DNAH5: variants seen among roughly 807,000 people sequenced by gnomAD.
DNAH5 encodes the protein axonemal beta dynein heavy chain 5.
In DNAH5, 372 loss-of-function variants were observed where a neutral mutation model predicts 518.2. That is an observed-to-expected ratio of 0.72 (90% CI 0.66 to 0.78). The LOEUF (loss-of-function observed/expected upper bound fraction) is 0.78, where lower values mean the gene tolerates loss of function less well. Among genes scored for constraint, DNAH5 ranks in the 30% least tolerant of loss-of-function variants. DNAH5 has a pLI of 0.00. For missense variants in DNAH5, 5,523 were observed against 5,687.0 expected, an observed-to-expected ratio of 0.97 and a Z score of 0.93; for synonymous variants, 2,039 against 2,025.9, an observed-to-expected ratio of 1.01 and a Z score of -0.17.
At chr5:13,818,462 C>T (rs983125825) in intron 41 of DNAH5, among the ~76,000 whole-genome samples, 6 of 152,174 alleles carry the variant, frequency 3.9e-5, no homozygotes, top group East Asian at 1.9e-4. Flanking sequence ...CCAGGCATGG[C>T]GGAAGTGCCA....
intron 76 of DNAH5, 72 bp from the exon 77 acceptor site, chr5:13,701,508 G>GAAA: frequency 3.8e-6 from 4 of 1,053,324 alleles, no homozygotes; most frequent in African/African-American, 3.3e-5. Flanking sequence ...TATGTTCACT[G>GAAA]AAAAAAAAAA....
At chr5:13,747,918 A>G (rs1247642203) in intron 65 of DNAH5, among the ~76,000 whole-genome samples, 1 of 152,068 alleles carries the variant, frequency 6.6e-6, no homozygotes, top group Non-Finnish European at 1.5e-5. Context: ...TTTTGTTGCC[A>G]TTGCTTTTGG....
intron 29 of DNAH5, among the ~76,000 whole-genome samples, chr5:13,861,593 A>G (rs1768421221): frequency 6.6e-6 from 1 of 152,216 alleles, no homozygotes; most frequent in Admixed American, 6.5e-5. Context: ...GGAAATGTAA[A>G]TTCATGACTG....
At chr5:13,934,211 G>A (rs1778699316) in intron 1 of DNAH5, among the ~76,000 whole-genome samples, 1 of 152,176 alleles carries the variant, frequency 6.6e-6, no homozygotes, top group African/African-American at 2.4e-5. Flanking sequence ...CTTCTGGTCA[G>A]CGGTACCATC....
chr5:13,871,379 AAATAGT>A (rs1190057600), intron 23 of DNAH5, among the ~76,000 whole-genome samples, 179 bp downstream of exon 23: 5 of 152,156 alleles, frequency 3.3e-5, no homozygotes, highest in Non-Finnish European at 7.4e-5. Context: ...AAAGTGTGCA[AAATAGT>A]CCAGAATCAA....
In DNAH5 at chr5:13,780,715, A is replaced by G. The variant is rs577179147; in HGVS notation, c.8951+114T>C. 97 of 1,194,182 alleles carry G rather than the reference A, an allele frequency of 8.1e-5. No individual in the cohort carries two copies. In the African/African-American group the frequency reaches 1.1e-3, roughly 13 times the overall value. 74.0% of individuals were successfully genotyped at this position (1,194,182 alleles called of 1,614,324 possible). On this transcript the variant is annotated intron_variant, in intron 53 of 78. Transcript: ENST00000265104. ...GAAGATGATAAGTCAACATTCAAGAAGGAAAATGACTGTGACTCTTTATAT... is the reference window on the plus strand; with the variant it reads ...GAAGATGATAAGTCAACATTCAAGAGGGAAAATGACTGTGACTCTTTATAT...
At chr5:13,951,358 AG>A (rs1251296977) in intron 1 of DNAH5, among the ~76,000 whole-genome samples, 1 of 150,428 alleles carries the variant, frequency 6.6e-6, no homozygotes, top group Non-Finnish European at 1.5e-5. Context: ...CTGGAACCAC[AG>A]GTGTGCACCA....
intron 22 of DNAH5, among the ~76,000 whole-genome samples, chr5:13,875,931 T>C (rs992335111): frequency 2.6e-5 from 4 of 152,214 alleles, no homozygotes; most frequent in African/African-American, 9.6e-5. Flanking sequence ...ACGTAACTCA[T>C]TGTATCAAAA....
At position 13,719,031 on chromosome 5, in the gene DNAH5, A is replaced by G. The variant is rs1561106432; in HGVS notation, c.12350T>C (p.Ile4117Thr). 1.9e-6 allele frequency: 3 copies of G among 1,614,144 alleles called. No homozygotes were observed. The highest frequency in any genetic ancestry group is 1.1e-5 in the South Asian group (1 of 91,080). ...CGCATCATGTACAAGCTCAGTTTCT[A>G]TGATTATGTCCATCAGCTCATCCAT... is the stretch of plus-strand genomic sequence containing the variant. ...DFMDELMDII[I>T]ETELVHDAFR... The change falls in exon 72 of 79, where the codon ATA becomes ACA. Residue 4117 changes from isoleucine to threonine, a missense_variant. Around this residue, in one of 3 missense-constraint regions of DNAH5, gnomAD observed 5,121 missense variants for 5,223.3 expected, o/e 0.98. Coordinates refer to ENST00000265104, the MANE Select transcript of DNAH5 (RefSeq NM_001369.3).
rs143392650 is a variant in DNAH5, at chr5:13,830,217, C to T, written c.6062-4G>A. 7.8e-4 allele frequency: 1,256 copies of T among 1,612,580 alleles called. 6 individuals are homozygous for T. The African/African-American group carries it at 0.013, about 17-fold the overall frequency. The stretch of plus-strand genomic sequence containing the variant: ...CAGGATCCAGACTGTGCCAGTCCTT[C>T]GAAAGGAAATTAAATGAAAAATCCA... On this transcript the variant is annotated splice_region_variant and splice_polypyrimidine_tract_variant and intron_variant, in intron 36 of 78. Transcript: ENST00000265104.
rs200452908 is a variant in DNAH5, at chr5:13,911,445, G to C, written c.1585C>G (p.Arg529Gly). ...TAATCTTGGTCAAAATCCATTTTCCGCTGGTCTAGGAAATTGTATTCCTTT... is the reference window on the plus strand; with the variant it reads ...TAATCTTGGTCAAAATCCATTTTCCCCTGGTCTAGGAAATTGTATTCCTTT... ...KKKEYNFLDQRKMDFDQDYEE... is the reference protein window; with the variant it reads ...KKKEYNFLDQGKMDFDQDYEE... Residue 529 changes from arginine (R) to glycine (G), a missense_variant, in exon 12 of 79, where the codon CGG becomes GGG. Around this residue, in one of 3 missense-constraint regions of DNAH5, gnomAD observed 5,121 missense variants for 5,223.3 expected, o/e 0.98. Transcript: ENST00000265104. 3 of 1,613,858 alleles carry C rather than the reference G, an allele frequency of 1.9e-6. No individual in the cohort carries two copies. The highest frequency in any genetic ancestry group is 2.7e-5 in the African/African-American group (2 of 74,910).
chr5:13,943,866 T>C (rs1040136405), intron 1 of DNAH5, among the ~76,000 whole-genome samples: 1 of 152,142 alleles, frequency 6.6e-6, no homozygotes, highest in African/African-American at 2.4e-5. Context: ...TGCATTTGCA[T>C]AATAAAAAGC....
intron 55 of DNAH5, 136 bp from the exon 56 acceptor site, chr5:13,771,116 G>T: frequency 1.3e-6 from 1 of 756,000 alleles, no homozygotes; most frequent in Non-Finnish European, 2.2e-6. Context: ...GTAGATCTGT[G>T]TCAGCATTTT....
In DNAH5 at chr5:13,792,229, G is replaced by A. The variant is rs2126901435; in HGVS notation, c.8225-12C>T. The stretch of plus-strand genomic sequence containing the variant: ...TACCCCAATCACACCTGAAAAGGGG[G>A]AAATTACAGCATTTTGATTAGCCAT... On this transcript the variant is annotated splice_polypyrimidine_tract_variant and intron_variant, in intron 49 of 78. Transcript: ENST00000265104. 2.5e-6 allele frequency: 4 copies of A among 1,601,386 alleles called. No individual in the cohort carries two copies. The highest frequency in any genetic ancestry group is 1.3e-5 in the African/African-American group (1 of 74,738).
intron 43 of DNAH5, among the ~76,000 whole-genome samples, chr5:13,813,485 TG>T (rs1761004079): frequency 6.6e-6 from 1 of 150,604 alleles, no homozygotes; most frequent in African/African-American, 2.4e-5. Flanking sequence ...AATCCTGAGT[TG>T]CCTCCCAGAG....
intron 59 of DNAH5, 92 bp from the exon 60 acceptor site, chr5:13,762,993 C>T (rs1248169867): frequency 1.5e-5 from 16 of 1,096,498 alleles, no homozygotes; most frequent in African/African-American, 6.2e-5. Flanking sequence ...AACTACTGAA[C>T]GACCACAAAT....
At position 13,708,289 on chromosome 5, in the gene DNAH5, A is replaced by C; in HGVS notation, c.13172T>G (p.Ile4391Ser). The change falls in exon 76 of 79, where the codon ATT (isoleucine) becomes AGT (serine). Residue 4391 changes from isoleucine to serine, a missense_variant. Physicochemically the swap from Ile to Ser is moderately radical, Grantham distance 142. Transcript: ENST00000265104. ...TCTGTCTATTTCCTGCCTGAGGAAA[A>C]TGTTCATAGGCTGGAATGGCCCCAT... ...QKMGPFQPMN[I>S]FLRQEIDRMQ... The C allele has an allele frequency of 6.2e-7, 1 of 1,614,102 alleles. No individual in the cohort carries two copies. Among genetic ancestry groups the C allele is most frequent in the Non-Finnish European group, 8.5e-7 (1 of 1,179,992 alleles).
chr5:13,971,392 T>C (rs571546524), intron 1 of DNAH5, among the ~76,000 whole-genome samples: 1 of 152,290 alleles, frequency 6.6e-6, no homozygotes, highest in African/African-American at 2.4e-5. Flanking sequence ...TCCTTCTCAT[T>C]TGGGTAGACT....
chr5:13,773,231 G>A lies in DNAH5; in HGVS notation c.9374-2251C>T, dbSNP rs560313574. On this transcript the variant is annotated intron_variant, in intron 55 of 78. Transcript: ENST00000265104. ...TACTGGTTATCAAAAGATTTAAAAC[G>A]ATTTAAATGTGCAGGTAAATTATGT... Among the ~76,000 whole-genome samples the A allele has an allele frequency of 3.3e-5, 5 of 152,204 alleles. No individual in the cohort carries two copies. In the East Asian group the frequency reaches 7.7e-4, roughly 23 times the overall value.
Sources: gnomAD v4.1 joint callset for allele counts (sites outside exome capture counted in the v4.1 genomes callset) on GRCh38, gnomAD v4.1.1 for gene constraint, gnomAD v4.1.1 regional missense constraint, MANE v1.5 for transcripts, NCBI Gene and HGNC (gene_info 2026-07-23, HGNC 2026-07-21) for gene names.